Variants in VDR observed in about 807,000 individuals in gnomAD.
VDR encodes vitamin D3 receptor.
A neutral mutation model predicts 39.7 loss-of-function variants in VDR; 19 were observed. The observed-to-expected ratio is 0.48, with a 90% CI of 0.33 to 0.70. The LOEUF is 0.70. VDR is among the 30% of genes least tolerant of loss of function. The pLI, the probability that VDR is intolerant of heterozygous loss-of-function variation, is 0.02. For missense variants in VDR, 442 were observed against 570.5 expected (o/e 0.77, Z 2.29); for synonymous variants, 242 against 215.8 (o/e 1.12, Z -1.07).
intron 4 of VDR, among the ~76,000 whole-genome samples, chr12:47,863,981 C>T (rs1945675603): frequency 6.6e-6 from 1 of 152,196 alleles, no homozygotes; most frequent in African/African-American, 2.4e-5. Flanking sequence ...GACCTCTCCC[C>T]ATCCCCAACC....
intron 1 of VDR, 77 bp downstream of exon 1, chr12:47,904,878 A>G: frequency 3.1e-6 from 1 of 325,062 alleles, no homozygotes; most frequent in Non-Finnish European, 5.7e-6. Flanking sequence ...CCGGGCGCTC[A>G]GGCCCCGGTA....
chr12:47,845,836 A>G (rs567736089), intron 9 of VDR, among the ~76,000 whole-genome samples: 2 of 152,358 alleles, frequency 1.3e-5, no homozygotes, highest in Admixed American at 6.5e-5. Flanking sequence ...CAAGGTCACA[A>G]TAACTTCCTC....
chr12:47,892,423 T>C (rs1166858380), intron 1 of VDR, among the ~76,000 whole-genome samples: 1 of 152,202 alleles, frequency 6.6e-6, no homozygotes, highest in Non-Finnish European at 1.5e-5. Flanking sequence ...TTAGAATGAC[T>C]TCCCCCTAAC....
chr12:47,856,846 G>A (rs900355463), intron 6 of VDR, among the ~76,000 whole-genome samples: 9 of 152,196 alleles, frequency 5.9e-5, no homozygotes, highest in African/African-American at 2.2e-4. Flanking sequence ...CACGGAGGGG[G>A]CCATGGGCTG....
At chr12:47,900,935 A>G (rs986601775) in intron 1 of VDR, among the ~76,000 whole-genome samples, 1 of 152,168 alleles carries the variant, frequency 6.6e-6, no homozygotes, top group Non-Finnish European at 1.5e-5. Flanking sequence ...AACACCACTT[A>G]GTCTATTCCC....
intron 1 of VDR, among the ~76,000 whole-genome samples, chr12:47,899,275 C>T (rs1946517438): frequency 6.6e-6 from 1 of 152,308 alleles, no homozygotes; most frequent in South Asian, 2.1e-4. Flanking sequence ...TTTTTCCCCA[C>T]TGTTAAATTC....
chr12:47,871,916 A>G (rs1371914609), intron 3 of VDR, among the ~76,000 whole-genome samples: 4 of 152,278 alleles, frequency 2.6e-5, no homozygotes, highest in African/African-American at 9.6e-5. Context: ...GTGCACACAC[A>G]CATACACACA....
intron 4 of VDR, among the ~76,000 whole-genome samples, chr12:47,863,979 C>T (rs1843709552): frequency 6.6e-6 from 1 of 152,192 alleles, no homozygotes; most frequent in African/African-American, 2.4e-5. Context: ...CTGACCTCTC[C>T]CCATCCCCAA....
In VDR at chr12:47,846,703, G is replaced by T; in HGVS notation, c.861C>A (p.Thr287=). ...ESFTMDDMSW[T]CGNQDYKYRV... Reference sequence around the variant, plus strand: ...GGTACTTGTAGTCTTGGTTGCCACAGGTCCAGGACATGTCGTCCATGGTGA... The same window carrying T: ...GGTACTTGTAGTCTTGGTTGCCACATGTCCAGGACATGTCGTCCATGGTGA... The change falls in exon 8 of 10, where the codon ACC becomes ACA. Residue 287 remains threonine (T), a synonymous_variant. Coordinates refer to ENST00000549336, the MANE Select transcript of VDR (RefSeq NM_000376.3). 1 of 1,614,148 alleles carries T rather than the reference G, an allele frequency of 6.2e-7. No homozygotes were observed. Among genetic ancestry groups the T allele is most frequent in the African/African-American group, 1.3e-5 (1 of 75,046 alleles).
At chr12:47,879,466 A>C (rs758820484) in intron 2 of VDR, among the ~76,000 whole-genome samples, 1 of 152,194 alleles carries the variant, frequency 6.6e-6, no homozygotes, top group Non-Finnish European at 1.5e-5. Context: ...GATCATATGC[A>C]TGAACCCATT....
At chr12:47,864,325 G>A (rs1254682529) in intron 4 of VDR, among the ~76,000 whole-genome samples, 1 of 152,190 alleles carries the variant, frequency 6.6e-6, no homozygotes, top group Admixed American at 6.5e-5. Flanking sequence ...TTCAGTGATG[G>A]GTCAAAATAT....
intron 7 of VDR, among the ~76,000 whole-genome samples, chr12:47,850,840 C>A (rs541801467): frequency 6.6e-6 from 1 of 152,032 alleles, no homozygotes; most frequent in Non-Finnish European, 1.5e-5. Context: ...GTCTTTCCCA[C>A]CCCCACAGGC....
intron 1 of VDR, among the ~76,000 whole-genome samples, chr12:47,904,079 C>T (rs543336440): frequency 7.4e-5 from 11 of 147,848 alleles, no homozygotes; most frequent in Admixed American, 3.4e-4. Flanking sequence ...ACTCACCGCA[C>T]GCATAGAGGA....
intron 4 of VDR, among the ~76,000 whole-genome samples, chr12:47,860,999 T>A (rs115621709): frequency 0.011 from 1,635 of 152,382 alleles, 34 homozygotes; most frequent in African/African-American, 0.037. Context: ...GGTGCTGTTG[T>A]TATTCCCATT....
At chr12:47,866,565 A>G (rs2137169672) in intron 3 of VDR, among the ~76,000 whole-genome samples, 2 of 152,304 alleles carry the variant, frequency 1.3e-5, no homozygotes, top group Admixed American at 1.3e-4. Context: ...GGAAGGAAGA[A>G]AAGGCCCAAA....
chr12:47,865,259 G>A lies in VDR; in HGVS notation c.147-82C>T, dbSNP rs961490479. ...GTCATCACGGAGACCTGTCTTCTGG[G>A]CCCCCTGGTCTCCATTTCTCCAACA... On this transcript the variant is annotated intron_variant, in intron 3 of 9. Coordinates refer to ENST00000549336, the MANE Select transcript of VDR (RefSeq NM_000376.3). 1.0e-5 allele frequency: 16 copies of A among 1,587,478 alleles called. No individual in the cohort carries two copies. In the Admixed American group the frequency reaches 1.3e-4, roughly 13 times the overall value.
At chr12:47,872,801 C>T (rs550255173) in intron 3 of VDR, among the ~76,000 whole-genome samples, 44 of 152,310 alleles carry the variant, frequency 2.9e-4, no homozygotes, top group African/African-American at 1.1e-3. Flanking sequence ...GACCATCTGT[C>T]CTCAAAACTA....
intron 4 of VDR, among the ~76,000 whole-genome samples, chr12:47,858,854 G>T (rs75899926): frequency 1.3e-5 from 2 of 152,342 alleles, no homozygotes; most frequent in East Asian, 3.9e-4. Context: ...CCCTCAGGTA[G>T]GGGGAGGACG....
At chr12:47,858,650 C>A (rs979910398) in intron 4 of VDR, among the ~76,000 whole-genome samples, 1 of 152,260 alleles carries the variant, frequency 6.6e-6, no homozygotes. Context: ...GGCAAACAGA[C>A]CTCCTGGCTG....
Sources: gnomAD v4.1 joint callset for allele counts (sites outside exome capture counted in the v4.1 genomes callset) on GRCh38, gnomAD v4.1.1 for gene constraint, MANE v1.5 for transcripts, NCBI Gene and HGNC (gene_info 2026-07-23, HGNC 2026-07-21) for gene names.